Variants in MSR1 observed in about 807,000 individuals in gnomAD.
The protein encoded by MSR1 is macrophage scavenger receptor types I and II.
A neutral mutation model predicts 47.2 loss-of-function variants in MSR1; 53 were observed. The observed-to-expected ratio is 1.12, with a 90% CI of 0.90 to 1.41. The LOEUF (loss-of-function observed/expected upper bound fraction) is 1.41, where lower values mean the gene tolerates loss of function less well. Among genes scored for constraint, MSR1 ranks in the 40% most tolerant of loss-of-function variants. The pLI is 0.00. For missense variants in MSR1, 786 were observed against 546.9 expected (o/e 1.44, Z -4.36); for synonymous variants, 239 against 185.6 (o/e 1.29, Z -2.34).
intron 9 of MSR1, among the ~76,000 whole-genome samples, chr8:16,111,416 C>T (rs1006263831): frequency 1.3e-5 from 2 of 152,064 alleles, no homozygotes; most frequent in African/African-American, 2.4e-5. Flanking sequence ...ATTGTGAACC[C>T]GGGCTACTGT....
At chr8:16,146,087 G>A (rs141683135) in intron 7 of MSR1, among the ~76,000 whole-genome samples, 45 of 152,070 alleles carry the variant, frequency 3.0e-4, no homozygotes, top group African/African-American at 9.9e-4. Flanking sequence ...TATATGAGCC[G>A]GATACTAGGT....
Position 16,190,727 on chromosome 8 carries a change from C to CTTTT in MSR1, c.-5+1867_-5+1870dup, listed in dbSNP as rs1279894353. The stretch of plus-strand genomic sequence containing the variant: ...CATATTCTTTCTTTTTTCTTTCTTT[C>CTTTT]TTTTTGTTTTTGAGATGGAGTTTCG... On this transcript the variant is annotated intron_variant, in intron 1 of 9. Coordinates refer to ENST00000262101, the MANE Select transcript of MSR1 (RefSeq NM_138715.3). Among the ~76,000 whole-genome samples the CTTTT allele has an allele frequency of 8.8e-3, 1,285 of 146,740 alleles. 34 individuals carry two copies. Among genetic ancestry groups the CTTTT allele is most frequent in the African/African-American group, 0.032 (1,239 of 38,466 alleles).
intron 8 of MSR1, chr8:16,139,841 TAAG>T (rs1563148145): frequency 1.6e-5 from 5 of 313,088 alleles, no homozygotes; most frequent in Admixed American, 1.6e-4. Flanking sequence ...ATTTGGAAAA[TAAG>T]AAGATGAGAA....
intron 4 of MSR1, among the ~76,000 whole-genome samples, chr8:16,166,563 T>C (rs1196261432): frequency 6.6e-6 from 1 of 152,048 alleles, no homozygotes; most frequent in African/African-American, 2.4e-5. Context: ...GAAAAGTGTA[T>C]TTAATTTCAA....
chr8:16,169,076 A>T (rs35786779), intron 3 of MSR1, among the ~76,000 whole-genome samples: 1 of 151,790 alleles, frequency 6.6e-6, no homozygotes, highest in African/African-American at 2.4e-5. Flanking sequence ...TCCCTTTCCT[A>T]TTTTACGTTA....
Position 16,139,761 on chromosome 8 carries a change from AAAAAAAAAAAAAAATATATATATATAT to A in MSR1, c.1033+3770_1033+3796del, listed in dbSNP as rs1205621548. ...ACTTCAAAACTTAAAAAAAAAAAAAAAAAAAAAAAAAAAATATATATATATATATATATATATATATATATATATATA... is the reference window on the plus strand; with the variant it reads ...ACTTCAAAACTTAAAAAAAAAAAAAAATATATATATATATATATATATATA... On this transcript the variant is annotated intron_variant, in intron 8 of 9. Coordinates refer to ENST00000262101, the MANE Select transcript of MSR1 (RefSeq NM_138715.3). The A allele has an allele frequency of 1.8e-5, 3 of 164,158 alleles. No individual in the cohort carries two copies. The African/African-American group carries it at 2.1e-4, about 11-fold the overall frequency. 10.2% of individuals were successfully genotyped at this position (164,158 alleles called of 1,614,324 possible).
Position 16,118,870 on chromosome 8 carries a change from G to A in MSR1, c.1222+1548C>T, listed in dbSNP as rs418997. Among the ~76,000 whole-genome samples, 627 of 152,222 alleles carry A rather than the reference G, an allele frequency of 4.1e-3. 5 individuals carry two copies. Among genetic ancestry groups the A allele is most frequent in the African/African-American group, 0.014 (599 of 41,544 alleles). ...AGAAAACAAAAGCAAAAATCTAGCT[G>A]TTGACCTTGAGAATATCTTACTATT... On this transcript the variant is annotated intron_variant, in intron 9 of 9. Transcript: ENST00000262101.
Position 16,168,754 on chromosome 8 carries a change from C to T in MSR1, c.334G>A (p.Glu112Lys). 6.2e-7 allele frequency: 1 copy of T among 1,614,140 alleles called. No homozygotes were observed. The highest frequency in any genetic ancestry group is 8.5e-7 in the Non-Finnish European group (1 of 1,179,998). The change falls in exon 4 of 10, where the codon GAA becomes AAA. Residue 112 changes from glutamate (E) to lysine (K), a missense_variant. Glu to Lys is a moderately conservative substitution (Grantham distance 56). Coordinates refer to ENST00000262101, the MANE Select transcript of MSR1 (RefSeq NM_138715.3). The part of the protein sequence containing the change: ...NDSEEEMRFQ[E>K]VFMEHMSNME... ...TTGCTCATGTGTTCCATAAAGACTT[C>T]TTGAAATCTCATTTCCTCTTCGCTG... is the stretch of plus-strand genomic sequence containing the variant.
intron 4 of MSR1, among the ~76,000 whole-genome samples, chr8:16,166,975 G>A (rs967042378): frequency 1.3e-5 from 2 of 150,732 alleles, no homozygotes; most frequent in African/African-American, 4.9e-5. Flanking sequence ...ACACATGCAC[G>A]CACTGGCACT....
intron 8 of MSR1, among the ~76,000 whole-genome samples, chr8:16,134,142 G>T (rs1314545242): frequency 6.6e-6 from 1 of 152,092 alleles, no homozygotes; most frequent in African/African-American, 2.4e-5. Flanking sequence ...AAGTATCGGT[G>T]ATTTCACCAT....
At chr8:16,190,822 T>C (rs1585206334) in intron 1 of MSR1, among the ~76,000 whole-genome samples, 1 of 151,620 alleles carries the variant, frequency 6.6e-6, no homozygotes, top group African/African-American at 2.4e-5. Context: ...CCTGGGTTCA[T>C]GTGATTCTCC....
At chr8:16,180,461 C>T (rs558314372) in intron 1 of MSR1, among the ~76,000 whole-genome samples, 1 of 152,280 alleles carries the variant, frequency 6.6e-6, no homozygotes, top group African/African-American at 2.4e-5. Flanking sequence ...CTGAGGACCA[C>T]ATTTTAAGAA....
intron 5 of MSR1, among the ~76,000 whole-genome samples, chr8:16,163,764 G>C (rs1801225575): frequency 6.6e-6 from 1 of 151,734 alleles, no homozygotes; most frequent in Non-Finnish European, 1.5e-5. Context: ...AACATGTGAA[G>C]AAACTTGTAA....
At chr8:16,112,678 G>C (rs1405333105) in intron 9 of MSR1, among the ~76,000 whole-genome samples, 1 of 151,922 alleles carries the variant, frequency 6.6e-6, no homozygotes, top group Non-Finnish European at 1.5e-5. Flanking sequence ...TATTTCTTTA[G>C]ATAATAACTG....
At chr8:16,189,473 ATATTT>A (rs1161824827) in intron 1 of MSR1, among the ~76,000 whole-genome samples, 1 of 304 alleles carries the variant, frequency 3.3e-3, no homozygotes, top group Non-Finnish European at 8.2e-3. Flanking sequence ...TATATTTTAT[ATATTT>A]TATATATAAA....
At chr8:16,175,596 A>G (rs1801623328) in intron 2 of MSR1, among the ~76,000 whole-genome samples, 1 of 152,232 alleles carries the variant, frequency 6.6e-6, no homozygotes, top group Non-Finnish European at 1.5e-5. Flanking sequence ...AAATTTTAAT[A>G]TCGACACTTA....
intron 2 of MSR1, among the ~76,000 whole-genome samples, chr8:16,176,375 C>T (rs976466279): frequency 3.3e-5 from 5 of 151,834 alleles, no homozygotes; most frequent in Non-Finnish European, 7.4e-5. Context: ...GTCATGGTAG[C>T]ATGTCCCTGT....
chr8:16,168,607 T>C lies in MSR1; in HGVS notation c.481A>G (p.Thr161Ala). 1.2e-6 allele frequency: 2 copies of C among 1,614,146 alleles called. No homozygotes were observed. Among genetic ancestry groups the C allele is most frequent in the Admixed American group, 1.7e-5 (1 of 60,018 alleles). Residue 161 changes from threonine (T) to alanine (A), a missense_variant, in exon 4 of 10, where the codon ACC becomes GCC. By Grantham distance (58) the Thr-to-Ala change is moderately conservative. Coordinates refer to ENST00000262101, the MANE Select transcript of MSR1 (RefSeq NM_138715.3). ...RFNDILLQLS[T>A]LFSSVQGHGN... is the part of the protein sequence containing the mutation. Reference sequence around the variant, plus strand: ...TGTCCCTGGACTGAGGAAAACAAGGTACTTAGCTGCAGAAGAATGTCATTA... The same window carrying C: ...TGTCCCTGGACTGAGGAAAACAAGGCACTTAGCTGCAGAAGAATGTCATTA...
chr8:16,173,967 T>C (rs1801565687), intron 3 of MSR1, among the ~76,000 whole-genome samples: 1 of 152,108 alleles, frequency 6.6e-6, no homozygotes, highest in African/African-American at 2.4e-5. Flanking sequence ...TGTTTTTTTA[T>C]TGGCCAACCA....
Sources: gnomAD v4.1 joint callset for allele counts (sites outside exome capture counted in the v4.1 genomes callset) on GRCh38, gnomAD v4.1.1 for gene constraint, MANE v1.5 for transcripts, NCBI Gene and HGNC (gene_info 2026-07-23, HGNC 2026-07-21) for gene names.